ARHGAP18: variants seen among roughly 807,000 people sequenced by gnomAD.
ARHGAP18 encodes rho GTPase-activating protein 18.
Under a neutral mutation model 86.2 loss-of-function variants are expected in ARHGAP18, and 67 were observed. The observed-to-expected ratio is 0.78, with a 90% confidence interval of 0.64 to 0.95. The LOEUF is 0.95. Ranked by LOEUF, ARHGAP18 falls within the 40% of genes least tolerant of loss-of-function variation. The probability of loss-of-function intolerance (pLI) is 0.00; values close to 1 mark genes in which losing one functional copy is unlikely to be tolerated. For missense variants in ARHGAP18, 691 were observed against 780.4 expected (o/e 0.89, Z 1.37); for synonymous variants, 283 against 280.4 (o/e 1.01, Z -0.09).
intron 12 of ARHGAP18, among the ~76,000 whole-genome samples, chr6:129,592,319 C>G (rs1349417772): frequency 6.6e-6 from 1 of 152,172 alleles, no homozygotes; most frequent in Non-Finnish European, 1.5e-5. Flanking sequence ...CAATTCTAAA[C>G]AGAGTTGTGC....
At chr6:129,662,146 ATATCTTTAATGGTT>A (rs529414081) in intron 1 of ARHGAP18, among the ~76,000 whole-genome samples, 1 of 152,362 alleles carries the variant, frequency 6.6e-6, no homozygotes, top group East Asian at 1.9e-4. Context: ...GCCTTAAAAT[ATATCTTTAATGGTT>A]TTACTGCAGG....
intron 4 of ARHGAP18, among the ~76,000 whole-genome samples, chr6:129,633,601 C>T (rs1773264061): frequency 6.6e-6 from 1 of 151,980 alleles, no homozygotes. Context: ...AAAATTACCC[C>T]ATATATGAAT....
At chr6:129,636,636 G>C (rs1773338170) in intron 3 of ARHGAP18, among the ~76,000 whole-genome samples, 2 of 152,086 alleles carry the variant, frequency 1.3e-5, no homozygotes, top group Non-Finnish European at 2.9e-5. Context: ...CAGCACTTTG[G>C]GAGGCTGAGG....
intron 4 of ARHGAP18, 124 bp from the exon 5 acceptor site, chr6:129,629,646 C>G (rs141035724): frequency 1.0e-6 from 1 of 996,820 alleles, no homozygotes; most frequent in Non-Finnish European, 1.4e-6. Context: ...AATACTTAGC[C>G]GTTATTTTAA....
rs574023581 is a variant in ARHGAP18, at chr6:129,699,127, C to T, written c.113+10897G>A. On this transcript the variant is annotated intron_variant, in intron 1 of 14. Coordinates refer to ENST00000368149, the MANE Select transcript of ARHGAP18 (RefSeq NM_033515.3). Reference sequence around the variant, plus strand: ...GCTGGGATTCACAGGCATGAGCCACCACACCCAGCCGAAGCACTTCTTACT... The same window carrying T: ...GCTGGGATTCACAGGCATGAGCCACTACACCCAGCCGAAGCACTTCTTACT... Among the ~76,000 whole-genome samples the T allele has an allele frequency of 3.9e-5, 6 of 152,272 alleles. No individual in the cohort carries two copies. The South Asian group carries it at 1.2e-3, about 32-fold the overall frequency.
intron 2 of ARHGAP18, among the ~76,000 whole-genome samples, chr6:129,641,414 C>A (rs1773461572): frequency 6.6e-6 from 1 of 152,198 alleles, no homozygotes; most frequent in Non-Finnish European, 1.5e-5. Flanking sequence ...AGAACTCAAG[C>A]TGACTGACCA....
At position 129,611,592 on chromosome 6, in the gene ARHGAP18, CTTCAA is replaced by C; in HGVS notation, c.1058_1062del (p.Ile353ArgfsTer18). 3 of 1,613,662 alleles carry C rather than the reference CTTCAA, an allele frequency of 1.9e-6. No individual in the cohort carries two copies. The highest frequency in any genetic ancestry group is 2.5e-6 in the Non-Finnish European group (3 of 1,179,752). On this transcript the variant is annotated frameshift_variant, in exon 8 of 15. Transcript: ENST00000368149. LOFTEE classifies it high-confidence loss of function. ...AGGCCTTCTGTTTCCAAACCTCTCT[CTTCAA>C]TTCGAGAAATCAGCTGTGCATAAAC... is the stretch of plus-strand genomic sequence containing the variant.
chr6:129,616,700 C>CA (rs1349517085), intron 6 of ARHGAP18, among the ~76,000 whole-genome samples: 2 of 152,142 alleles, frequency 1.3e-5, no homozygotes, highest in Non-Finnish European at 2.9e-5. Flanking sequence ...ATAACCCCAG[C>CA]ACTTTGGGAA....
chr6:129,638,284 G>T, intron 3 of ARHGAP18, 110 bp downstream of exon 3: 2 of 1,087,914 alleles, frequency 1.8e-6, no homozygotes, highest in African/African-American at 1.6e-5. Flanking sequence ...TTTGGTGCCT[G>T]GCATAGAATA....
chr6:129,625,907 T>C (rs1789444414), intron 5 of ARHGAP18, among the ~76,000 whole-genome samples: 1 of 89,092 alleles, frequency 1.1e-5, no homozygotes, highest in Non-Finnish European at 2.1e-5. Flanking sequence ...TATATTTATA[T>C]ATTATATATT....
chr6:129,633,286 T>A (rs1163596201), intron 4 of ARHGAP18, among the ~76,000 whole-genome samples: 4 of 145,366 alleles, frequency 2.8e-5, no homozygotes, highest in Non-Finnish European at 6.0e-5. Flanking sequence ...AAAAAAAAAA[T>A]TAGCTGGGCA....
chr6:129,599,457 A>T, intron 11 of ARHGAP18, 101 bp from the exon 12 acceptor site: 1 of 1,103,416 alleles, frequency 9.1e-7, no homozygotes, highest in Admixed American at 3.6e-5. Flanking sequence ...AACAGTAAAG[A>T]GTTTCTCTTT....
intron 11 of ARHGAP18, 92 bp from the exon 12 acceptor site, chr6:129,599,448 A>G: frequency 8.6e-7 from 1 of 1,156,466 alleles, no homozygotes; most frequent in Non-Finnish European, 1.1e-6. Context: ...AATTTCAAAA[A>G]CAGTAAAGAG....
In ARHGAP18 at chr6:129,680,941, C is replaced by T. The variant is rs75582368; in HGVS notation, c.113+29083G>A. ...AGGATGGGCCAAATCTCTGCCTTCC[C>T]GATAAACCCTTTGAGTAGAACTGTA... On this transcript the variant is annotated intron_variant, in intron 1 of 14. Transcript: ENST00000368149. Among the ~76,000 whole-genome samples, 6 of 152,292 alleles carry T rather than the reference C, an allele frequency of 3.9e-5. No individual in the cohort carries two copies. The East Asian group carries it at 7.7e-4, about 20-fold the overall frequency.
In ARHGAP18 at chr6:129,632,230, T is replaced by C. The variant is rs143561059; in HGVS notation, c.616+1812A>G. ...TGCCCAGAACAGGTGCAATAGGGAA[T>C]ACTCAGTGACTTGGATGGCATCACA... On this transcript the variant is annotated intron_variant, in intron 4 of 14. Transcript: ENST00000368149. Among the ~76,000 whole-genome samples, 76 of 152,350 alleles carry C rather than the reference T, an allele frequency of 5.0e-4. 1 individual carries two copies. Among genetic ancestry groups the C allele is most frequent in the Admixed American group, 2.0e-3 (31 of 15,302 alleles).
chr6:129,589,386 T>C (rs1371258864), intron 12 of ARHGAP18, among the ~76,000 whole-genome samples: 1 of 152,154 alleles, frequency 6.6e-6, no homozygotes, highest in Non-Finnish European at 1.5e-5. Flanking sequence ...TTTGCTAAAG[T>C]ATAGCAAGAA....
intron 1 of ARHGAP18, among the ~76,000 whole-genome samples, chr6:129,671,492 G>A (rs1321963477): frequency 6.6e-6 from 1 of 152,008 alleles, no homozygotes; most frequent in Non-Finnish European, 1.5e-5. Flanking sequence ...TGAGCCTGGG[G>A]GTTCAAGATC....
intron 12 of ARHGAP18, among the ~76,000 whole-genome samples, chr6:129,586,324 T>G (rs971124965): frequency 6.6e-6 from 1 of 152,220 alleles, no homozygotes; most frequent in African/African-American, 2.4e-5. Context: ...ATCCACCTTG[T>G]CTACTCAGTA....
chr6:129,673,329 C>T (rs1168646745), intron 1 of ARHGAP18, among the ~76,000 whole-genome samples: 1 of 147,354 alleles, frequency 6.8e-6, no homozygotes, highest in Non-Finnish European at 1.5e-5. Flanking sequence ...CTGCAGCTTG[C>T]TTCCCAGGAC....
Sources: gnomAD v4.1 joint callset for allele counts (sites outside exome capture counted in the v4.1 genomes callset) on GRCh38, gnomAD v4.1.1 for gene constraint, MANE v1.5 for transcripts, NCBI Gene and HGNC (gene_info 2026-07-23, HGNC 2026-07-21) for gene names.